XIRP1: variants seen among roughly 807,000 people sequenced by gnomAD.
The protein encoded by XIRP1 is xin actin binding repeat containing 1, also known as xin actin-binding repeat-containing protein 1.
For synonymous variants in XIRP1, 984 were observed against 947.0 expected (o/e 1.04, Z -0.72); for missense variants, 2,378 against 2,345.4 (o/e 1.01, Z -0.29).
In XIRP1 at chr3:39,185,955, G is replaced by T. The variant is rs2039961386; in HGVS notation, c.3491C>A (p.Pro1164His). Residue 1164 changes from proline to histidine, a missense_variant, in exon 2 of 2, where the codon CCC (proline) becomes CAC (histidine). Transcript: ENST00000340369. ...PGGVQLSQRE[P>H]QSRHRETALS... ...GGCAGTCTCCCTGTGCCTTGACTGGGGTTCCCTCTGAGAAAGCTGGACACC... is the reference window on the plus strand; with the variant it reads ...GGCAGTCTCCCTGTGCCTTGACTGGTGTTCCCTCTGAGAAAGCTGGACACC... 1.2e-6 allele frequency: 2 copies of T among 1,613,948 alleles called. No individual in the cohort carries two copies. Among genetic ancestry groups the T allele is most frequent in the Non-Finnish European group, 1.7e-6 (2 of 1,179,984 alleles).
rs775040277 is a variant in XIRP1 at position 39,185,823 on chromosome 3, C to T, written c.3623G>A (p.Gly1208Glu). Reference protein sequence around the residue: ...GCTQMAWGPPGKAMAEVCPGG... With the variant: ...GCTQMAWGPPEKAMAEVCPGG... The stretch of plus-strand genomic sequence containing the variant: ...TGGGCAGACTTCTGCCATCGCCTTC[C>T]CTGGTGGCCCCCAGGCCATCTGTGT... Residue 1208 changes from glycine to glutamate, a missense_variant, in exon 2 of 2, where the codon GGG becomes GAG. Transcript: ENST00000340369. 3 of 1,613,566 alleles carry T rather than the reference C, an allele frequency of 1.9e-6. No individual in the cohort carries two copies. Among genetic ancestry groups the T allele is most frequent in the Admixed American group, 3.3e-5 (2 of 59,942 alleles).
chr3:39,189,109 C>T lies in XIRP1; in HGVS notation c.337G>A (p.Ala113Thr), dbSNP rs773214267. The change falls in exon 2 of 2, where the codon GCT becomes ACT. Residue 113 changes from alanine to threonine, a missense_variant. Ala to Thr is a moderately conservative substitution (Grantham distance 58). Transcript: ENST00000340369. ...CCACACAGCACGGGCTCCTTGGCAG[C>T]TGGCCTCTCGTGTTCTCCAATGGCA... is the stretch of plus-strand genomic sequence containing the variant. The part of the protein sequence containing the change: ...LDAIGEHERP[A>T]AKEPVLCGDV... 20 of 1,614,092 alleles carry T rather than the reference C, an allele frequency of 1.2e-5. No individual in the cohort carries two copies. Among genetic ancestry groups the T allele is most frequent in the Non-Finnish European group, 1.7e-5 (20 of 1,180,058 alleles).
chr3:39,187,229 G>A lies in XIRP1; in HGVS notation c.2217C>T (p.Ser739=). 6.3e-7 allele frequency: 1 copy of A among 1,587,098 alleles called. No homozygotes were observed. The highest frequency in any genetic ancestry group is 1.1e-5 in the South Asian group (1 of 88,400). Residue 739 remains serine, a synonymous_variant, in exon 2 of 2, where the codon TCC becomes TCT. Transcript: ENST00000340369. ...CCCCTTGGATGCTCTCAGCTGCCAG[G>A]GAGCCCATGGGACAATTCTCAAAAA... ...TWLFENCPMG[S]LAAESIQGGN...
At chr3:39,190,520 G>A (rs901049247) in intron 1 of XIRP1, among the ~76,000 whole-genome samples, 3 of 152,052 alleles carry the variant, frequency 2.0e-5, no homozygotes, top group Admixed American at 6.6e-5. Context: ...CCTGCCTCTT[G>A]CTCCTGGATA....
rs1302054403 is a variant in XIRP1, at chr3:39,188,687, GA to G, written c.758del (p.Val253AlafsTer14). The G allele has an allele frequency of 6.2e-7, 1 of 1,613,538 alleles. No homozygotes were observed. Among genetic ancestry groups the G allele is most frequent in the Admixed American group, 1.7e-5 (1 of 60,028 alleles). ...GGATCTCCTCCCGGCATGCGGCCTT[GA>G]CCTCATGGATGGCGCCCTCTGCATC... is the stretch of plus-strand genomic sequence containing the variant. ...IQDAEGAIHEVKAACREEIQS... is the reference protein window; with the variant it reads ...IQDAEGAIHEXKAACREEIQS... On this transcript the variant is annotated frameshift_variant, in exon 2 of 2. Coordinates refer to ENST00000340369, the MANE Select transcript of XIRP1 (RefSeq NM_194293.4). LOFTEE classifies it low-confidence loss of function (END_TRUNC).
rs377555820 is a variant in XIRP1, at chr3:39,186,473, G to T, written c.2973C>A (p.Thr991=). Residue 991 remains threonine, a synonymous_variant, in exon 2 of 2, where the codon ACC becomes ACA. Transcript: ENST00000340369. ...GMGHLRASGA[T]PCPPQAIGKA... ...TTCCAATGGCCTGAGGAGGGCAAGG[G>T]GTGGCCCCTGAGGCTCTCAGATGCC... 58 of 1,613,946 alleles carry T rather than the reference G, an allele frequency of 3.6e-5. No individual in the cohort carries two copies. Among genetic ancestry groups the T allele is most frequent in the Non-Finnish European group, 4.7e-5 (56 of 1,180,014 alleles).
chr3:39,189,508 C>T lies in XIRP1; in HGVS notation c.-63G>A, dbSNP rs149543061. On this transcript the variant is annotated 5_prime_UTR_variant, in exon 2 of 2. Coordinates refer to ENST00000340369, the MANE Select transcript of XIRP1 (RefSeq NM_194293.4). Reference sequence around the variant, plus strand: ...GGGAGCCTTAGATCTAGATGTTCAGCAGGGTAGAGGCTGGATGCTGGGAGA... The same window carrying T: ...GGGAGCCTTAGATCTAGATGTTCAGTAGGGTAGAGGCTGGATGCTGGGAGA... 3.4e-4 allele frequency: 518 copies of T among 1,524,438 alleles called. No individual in the cohort carries two copies. Among genetic ancestry groups the T allele is most frequent in the Non-Finnish European group, 4.3e-4 (487 of 1,138,320 alleles). 94.4% of individuals were successfully genotyped at this position (1,524,438 alleles called of 1,614,324 possible).
chr3:39,183,845 G>A lies in XIRP1; in HGVS notation c.*69C>T, dbSNP rs1187295269. ...CCTTGCTCCAGTGTACAGGAGGCAG[G>A]TACCCACTTCAGTCCTGGGGCAGTG... is the stretch of plus-strand genomic sequence containing the variant. On this transcript the variant is annotated 3_prime_UTR_variant, in exon 2 of 2. Transcript: ENST00000340369. 6.5e-6 allele frequency: 10 copies of A among 1,534,048 alleles called. No individual in the cohort carries two copies. The Admixed American group carries it at 1.2e-4, about 18-fold the overall frequency.
chr3:39,184,212 C>A lies in XIRP1; in HGVS notation c.5234G>T (p.Trp1745Leu). ...PPSASPLPRGWQKSVLELQTG... is the reference protein window; with the variant it reads ...PPSASPLPRGLQKSVLELQTG... ...CTGTAGCTCCAGAACACTCTTTTGCCACCCTCTGGGCAGGGGACTGGCTGA... is the reference window on the plus strand; with the variant it reads ...CTGTAGCTCCAGAACACTCTTTTGCAACCCTCTGGGCAGGGGACTGGCTGA... The change falls in exon 2 of 2, where the codon TGG (tryptophan) becomes TTG (leucine). Residue 1745 changes from tryptophan to leucine, a missense_variant. Transcript: ENST00000340369. The A allele has an allele frequency of 6.2e-7, 1 of 1,614,192 alleles. No homozygotes were observed. The highest frequency in any genetic ancestry group is 1.3e-5 in the African/African-American group (1 of 75,060).
chr3:39,186,063 G>T lies in XIRP1; in HGVS notation c.3383C>A (p.Pro1128His). The T allele has an allele frequency of 6.2e-7, 1 of 1,614,140 alleles. No homozygotes were observed. The highest frequency in any genetic ancestry group is 8.5e-7 in the Non-Finnish European group (1 of 1,180,002). The stretch of plus-strand genomic sequence containing the variant: ...CACCCACCCCCCAGGCAGCCCTCTG[G>T]GTAGTGCTTGCTCTTCCCTACTGAC... ...RKVSREEQAL[P>H]RGLPGGWVTI... The change falls in exon 2 of 2, where the codon CCC becomes CAC. Residue 1128 changes from proline to histidine, a missense_variant. Coordinates refer to ENST00000340369, the MANE Select transcript of XIRP1 (RefSeq NM_194293.4).
In XIRP1 at chr3:39,186,990, T is replaced by C; in HGVS notation, c.2456A>G (p.Lys819Arg). 1 of 1,604,890 alleles carries C rather than the reference T, an allele frequency of 6.2e-7. No homozygotes were observed. Among genetic ancestry groups the C allele is most frequent in the Non-Finnish European group, 8.5e-7 (1 of 1,172,318 alleles). Residue 819 changes from lysine (K) to arginine (R), a missense_variant, in exon 2 of 2, where the codon AAG (lysine) becomes AGG (arginine). Physicochemically the swap from Lys to Arg is conservative, Grantham distance 26. Coordinates refer to ENST00000340369, the MANE Select transcript of XIRP1 (RefSeq NM_194293.4). ...AAGTTCACCTGACACCAGCTCCTCC[T>C]TTCGTATATAAGGGTGCCCCTGCCC... ...GTGQGHPYIR[K>R]EELVSGELPR...
Position 39,184,145 on chromosome 3 carries a change from G to T in XIRP1, c.5301C>A (p.Thr1767=). 6.2e-7 allele frequency: 1 copy of T among 1,612,656 alleles called. No homozygotes were observed. The highest frequency in any genetic ancestry group is 1.7e-5 in the Admixed American group (1 of 59,938). ...CCACCTCCTCATACTGTTCAGTCAC[G>T]GTTCTCATGGCTCCATAGTGTTGTG... The part of the protein sequence containing the change: ...GSSQHYGAMR[T]VTEQYEEVDQ... The change falls in exon 2 of 2, where the codon ACC becomes ACA. Residue 1767 remains threonine (T), a synonymous_variant. Coordinates refer to ENST00000340369, the MANE Select transcript of XIRP1 (RefSeq NM_194293.4).
In XIRP1 at chr3:39,185,994, A is replaced by C; in HGVS notation, c.3452T>G (p.Phe1151Cys). 1.2e-6 allele frequency: 2 copies of C among 1,614,122 alleles called. No homozygotes were observed. Among genetic ancestry groups the C allele is most frequent in the Non-Finnish European group, 1.7e-6 (2 of 1,179,984 alleles). ...AAGCTGGACACCCCCAGGTGGGTCAAAGGTCCTCACGGGATGAGCGGTGTA... is the reference window on the plus strand; with the variant it reads ...AAGCTGGACACCCCCAGGTGGGTCACAGGTCCTCACGGGATGAGCGGTGTA... ...GIYTAHPVRT[F>C]DPPGGVQLSQ... Residue 1151 changes from phenylalanine (F) to cysteine (C), a missense_variant, in exon 2 of 2, where the codon TTT becomes TGT. Physicochemically the swap from Phe to Cys is radical, Grantham distance 205. Transcript: ENST00000340369.
chr3:39,184,658 G>A lies in XIRP1; in HGVS notation c.4788C>T (p.Pro1596=). Reference sequence around the variant, plus strand: ...CTCCGACCTCCTGGCCTGAGCCACTGGGCCTGGCGCTACTGCTGACTGTGA... The same window carrying A: ...CTCCGACCTCCTGGCCTGAGCCACTAGGCCTGGCGCTACTGCTGACTGTGA... ...ISVTVSSSAR[P]SGSGQEVGGQ... Residue 1596 remains proline, a synonymous_variant, in exon 2 of 2, where the codon CCC becomes CCT. Coordinates refer to ENST00000340369, the MANE Select transcript of XIRP1 (RefSeq NM_194293.4). The A allele has an allele frequency of 6.2e-7, 1 of 1,613,906 alleles. No individual in the cohort carries two copies. Among genetic ancestry groups the A allele is most frequent in the Non-Finnish European group, 8.5e-7 (1 of 1,179,888 alleles).
At position 39,189,534 on chromosome 3, in the gene XIRP1, A is replaced by G. The variant is rs572820604; in HGVS notation, c.-80-9T>C. ...AGGGTAGAGGCTGGATGCTGGGAGA[A>G]ATGGTAGTAAACAGGGCTCAGAGTC... On this transcript the variant is annotated splice_polypyrimidine_tract_variant and intron_variant, in intron 1 of 1. Transcript: ENST00000340369. 9 of 1,511,252 alleles carry G rather than the reference A, an allele frequency of 6.0e-6. No individual in the cohort carries two copies. In the African/African-American group the frequency reaches 9.8e-5, roughly 16 times the overall value. The allele number at this position is 1,511,252 out of a possible 1,614,324, so 93.6% of individuals were successfully genotyped here. A position where few individuals can be genotyped will look rare whatever the true frequency, so the allele number is the denominator to read the frequency against.
intron 1 of XIRP1, 93 bp from the exon 2 acceptor site, chr3:39,189,618 C>A: frequency 1.0e-6 from 1 of 989,260 alleles, no homozygotes; most frequent in Non-Finnish European, 1.4e-6. Context: ...TGTGCCTGGC[C>A]TGGGCTTCAC....
rs1465475264 is a variant in XIRP1 at position 39,183,851 on chromosome 3, A to G, written c.*63T>C. The G allele has an allele frequency of 7.8e-6, 12 of 1,545,194 alleles. No individual in the cohort carries two copies. The highest frequency in any genetic ancestry group is 5.2e-6 in the Non-Finnish European group (6 of 1,148,582). ...TCCAGTGTACAGGAGGCAGGTACCC[A>G]CTTCAGTCCTGGGGCAGTGGAGGCC... On this transcript the variant is annotated 3_prime_UTR_variant, in exon 2 of 2. Transcript: ENST00000340369.
At position 39,188,552 on chromosome 3, in the gene XIRP1, C is replaced by T. The variant is rs377117197; in HGVS notation, c.894G>A (p.Glu298=). The change falls in exon 2 of 2, where the codon GAG becomes GAA. Residue 298 remains glutamate, a synonymous_variant. Coordinates refer to ENST00000340369, the MANE Select transcript of XIRP1 (RefSeq NM_194293.4). ...VRVIRGISLE[E]GARPDVSATR... is the part of the protein sequence containing the mutation. ...TTGCACTGACGTCGGGCCGGGCCCC[C>T]TCCTCCAGGGAAATCCCCCGGATCA... 87 of 1,611,930 alleles carry T rather than the reference C, an allele frequency of 5.4e-5. No homozygotes were observed. Among genetic ancestry groups the T allele is most frequent in the Non-Finnish European group, 7.3e-5 (86 of 1,178,228 alleles).
At position 39,187,206 on chromosome 3, in the gene XIRP1, C is replaced by T; in HGVS notation, c.2240G>A (p.Gly747Glu). 6.3e-7 allele frequency: 1 copy of T among 1,592,788 alleles called. No individual in the cohort carries two copies. Among genetic ancestry groups the T allele is most frequent in the Non-Finnish European group, 8.6e-7 (1 of 1,166,040 alleles). Residue 747 changes from glycine to glutamate, a missense_variant, in exon 2 of 2, where the codon GGG (glycine) becomes GAG (glutamate). Transcript: ENST00000340369. ...MGSLAAESIQGGNLLEEQPMS... is the reference protein window; with the variant it reads ...MGSLAAESIQEGNLLEEQPMS... ...GGGCTGCTCTTCCAGGAGGTTGCCCCCTTGGATGCTCTCAGCTGCCAGGGA... is the reference window on the plus strand; with the variant it reads ...GGGCTGCTCTTCCAGGAGGTTGCCCTCTTGGATGCTCTCAGCTGCCAGGGA...
Sources: gnomAD v4.1 joint callset for allele counts (sites outside exome capture counted in the v4.1 genomes callset) on GRCh38, gnomAD v4.1.1 for gene constraint, MANE v1.5 for transcripts, NCBI Gene and HGNC (gene_info 2026-07-23, HGNC 2026-07-21) for gene names.